Variants in SLC35F5 observed in about 807,000 individuals in gnomAD.
The protein encoded by SLC35F5 is solute carrier family 35 member F5.
A neutral mutation model predicts 68.6 loss-of-function variants in SLC35F5; 54 were observed. The ratio of observed to expected loss-of-function variants is 0.79; its 90% CI spans 0.63 to 0.99. The LOEUF (loss-of-function observed/expected upper bound fraction) is 0.99. Ranked by LOEUF, SLC35F5 falls within the 50% of genes least tolerant of loss-of-function variation. The pLI is 0.00. For synonymous variants in SLC35F5, 211 were observed against 205.2 expected, an observed-to-expected ratio of 1.03 and a Z score of -0.24; for missense variants, 567 against 626.9, an observed-to-expected ratio of 0.90 and a Z score of 1.02.
chr2:113,715,579 T>G (rs1425249399), intron 15 of SLC35F5, among the ~76,000 whole-genome samples: 1 of 152,104 alleles, frequency 6.6e-6, no homozygotes, highest in African/African-American at 2.4e-5. Context: ...TGGATATGGG[T>G]AGGTTTAAGT....
chr2:113,705,995 C>G (rs1686789842), downstream of SLC35F5, among the ~76,000 whole-genome samples: 1 of 152,236 alleles, frequency 6.6e-6, no homozygotes, highest in Non-Finnish European at 1.5e-5. Context: ...CCTAATTCCA[C>G]TTTCTGGAGT....
At chr2:113,732,840 T>C (rs1301226783) in intron 9 of SLC35F5, among the ~76,000 whole-genome samples, 1 of 152,110 alleles carries the variant, frequency 6.6e-6, no homozygotes, top group Non-Finnish European at 1.5e-5. Flanking sequence ...GACGAGAAAA[T>C]TGGCACAGAA....
intron 10 of SLC35F5, among the ~76,000 whole-genome samples, chr2:113,730,955 G>A (rs1001608416): frequency 1.3e-5 from 2 of 152,036 alleles, no homozygotes; most frequent in African/African-American, 4.8e-5. Flanking sequence ...ACTGGAGTAG[G>A]GTGGTTAATT....
At chr2:113,748,465 C>T (rs1350184127) in intron 4 of SLC35F5, among the ~76,000 whole-genome samples, 2 of 152,134 alleles carry the variant, frequency 1.3e-5, no homozygotes, top group East Asian at 3.9e-4. Flanking sequence ...CCGCACCAGG[C>T]CCAATTCCAT....
intron 15 of SLC35F5, among the ~76,000 whole-genome samples, chr2:113,715,889 CAT>C (rs1454272568): frequency 1.3e-5 from 2 of 151,938 alleles, no homozygotes; most frequent in African/African-American, 2.4e-5. Flanking sequence ...GGCACATAAA[CAT>C]ATATTTAGTT....
chr2:113,714,864 C>G lies in SLC35F5; in HGVS notation c.*354G>C, dbSNP rs1687120870. Reference sequence around the variant, plus strand: ...TTGAAAACATTTTCATAATATATTCCAGCATTTAACATGTGAAAATAAAGT... The same window carrying G: ...TTGAAAACATTTTCATAATATATTCGAGCATTTAACATGTGAAAATAAAGT... On this transcript the variant is annotated 3_prime_UTR_variant, in exon 16 of 16. Transcript: ENST00000245680. 1 of 152,478 alleles carries G rather than the reference C, an allele frequency of 6.6e-6. No individual in the cohort carries two copies. The allele number at this position is 152,478 out of a possible 1,614,324, so 9.4% of individuals were successfully genotyped here. A position where few individuals can be genotyped will look rare whatever the true frequency, so the allele number is the denominator to read the frequency against.
chr2:113,747,905 A>G (rs572814397), intron 4 of SLC35F5, among the ~76,000 whole-genome samples: 3 of 152,298 alleles, frequency 2.0e-5, no homozygotes, highest in African/African-American at 7.2e-5. Context: ...CAGCCTGACC[A>G]ACATGGTGAA....
intron 7 of SLC35F5, 71 bp downstream of exon 7, chr2:113,742,621 T>G: frequency 1.4e-6 from 2 of 1,443,068 alleles, no homozygotes; most frequent in Admixed American, 3.5e-5. Flanking sequence ...CAATCCTATA[T>G]TGTTGGTATG....
chr2:113,703,961 T>C (rs968161223), downstream of SLC35F5: 3 of 152,546 alleles, frequency 2.0e-5, no homozygotes, highest in South Asian at 4.1e-4. Flanking sequence ...AAAGGCGGCA[T>C]GTCCGGAGTT....
intron 1 of SLC35F5, 66 bp downstream of exon 1, chr2:113,756,304 C>G (rs1676986022): frequency 6.5e-7 from 1 of 1,549,400 alleles, no homozygotes; most frequent in Non-Finnish European, 8.7e-7. Flanking sequence ...GGAGGTGGTG[C>G]TGCTGGTGGG....
intron 5 of SLC35F5, among the ~76,000 whole-genome samples, chr2:113,744,877 T>C (rs188815078): frequency 1.8e-4 from 28 of 152,336 alleles, no homozygotes; most frequent in Admixed American, 1.8e-3. Flanking sequence ...TTTTAGGTAG[T>C]TATAAATTCC....
chr2:113,756,592 T>C lies in SLC35F5; in HGVS notation c.-183A>G. 1.4e-6 allele frequency: 2 copies of C among 1,414,312 alleles called. No homozygotes were observed. The highest frequency in any genetic ancestry group is 2.6e-4 in the Middle Eastern group (1 of 3,834). The allele number at this position is 1,414,312 out of a possible 1,614,324, so 87.6% of individuals were successfully genotyped here. On this transcript the variant is annotated 5_prime_UTR_variant, in exon 1 of 16. Transcript: ENST00000245680. ...TCGGCCCAGGAGGGCGTGGAGCGGGTGAGGGGAAGGGACGGCACAGTCAGC... is the reference window on the plus strand; with the variant it reads ...TCGGCCCAGGAGGGCGTGGAGCGGGCGAGGGGAAGGGACGGCACAGTCAGC...
In SLC35F5 at chr2:113,713,837, C is replaced by G. The variant is rs540607743; in HGVS notation, c.*1381G>C. 4 of 149,408 alleles carry G rather than the reference C, an allele frequency of 2.7e-5. No individual in the cohort carries two copies. The South Asian group carries it at 8.5e-4, about 32-fold the overall frequency. 9.3% of individuals were successfully genotyped at this position (149,408 alleles called of 1,614,324 possible). ...TTAAAGGTAATATAATATAGAAGTT[C>G]TCAGAATGAAACAAAAGGAAGGCTA... On this transcript the variant is annotated 3_prime_UTR_variant, in exon 16 of 16. Coordinates refer to ENST00000245680, the MANE Select transcript of SLC35F5 (RefSeq NM_025181.5).
At position 113,707,515 on chromosome 2, in the gene SLC35F5, T is replaced by C. The variant is rs1372222782; in HGVS notation, c.*7703A>G. Among the ~76,000 whole-genome samples the C allele has an allele frequency of 2.6e-5, 4 of 152,194 alleles. No homozygotes were observed. Among genetic ancestry groups the C allele is most frequent in the Non-Finnish European group, 5.9e-5 (4 of 68,026 alleles). On this transcript the variant is annotated 3_prime_UTR_variant, in exon 16 of 16. Coordinates refer to ENST00000245680, the MANE Select transcript of SLC35F5 (RefSeq NM_025181.5). ...AAATATACCTGGTCCCATATAAGAA[T>C]TGTTGCCTAACCTCATATACTAATT...
At position 113,735,790 on chromosome 2, in the gene SLC35F5, T is replaced by C. The variant is rs148152519; in HGVS notation, c.819A>G (p.Leu273=). Residue 273 remains leucine, a synonymous_variant, in exon 8 of 16, where the codon TTA becomes TTG. Coordinates refer to ENST00000245680, the MANE Select transcript of SLC35F5 (RefSeq NM_025181.5). Reference sequence around the variant, plus strand: ...CAAATTTCTTACCGGAAGTTGAAGATAAAATATTAACTATAGCAACTTGTG... The same window carrying C: ...CAAATTTCTTACCGGAAGTTGAAGACAAAATATTAACTATAGCAACTTGTG... The part of the protein sequence containing the change: ...SDTQVAIVNI[L]SSTSGLFTLI... 3.1e-6 allele frequency: 5 copies of C among 1,603,266 alleles called. No homozygotes were observed. The highest frequency in any genetic ancestry group is 2.2e-5 in the East Asian group (1 of 44,662).
intron 3 of SLC35F5, among the ~76,000 whole-genome samples, chr2:113,753,907 A>ATGTT (rs1422864223): frequency 1.3e-5 from 2 of 152,212 alleles, no homozygotes; most frequent in Non-Finnish European, 2.9e-5. Flanking sequence ...GAAGTACAAA[A>ATGTT]TGTTCATCTA....
chr2:113,729,551 C>T (rs1240437107), intron 10 of SLC35F5, 46 bp from the exon 11 acceptor site: 1 of 980,890 alleles, frequency 1.0e-6, no homozygotes, highest in Non-Finnish European at 1.6e-6. Context: ...TTAGCTCATT[C>T]AATATACGCT....
At chr2:113,727,135 G>GA (rs1687693696) in intron 11 of SLC35F5, among the ~76,000 whole-genome samples, 1 of 152,092 alleles carries the variant, frequency 6.6e-6, no homozygotes, top group African/African-American at 2.4e-5. Context: ...TAAAGTGTTT[G>GA]GCAGTTCCCC....
chr2:113,725,843 T>C (rs1385181627), intron 11 of SLC35F5: 2 of 205,746 alleles, frequency 9.7e-6, no homozygotes, highest in Admixed American at 1.1e-4. Flanking sequence ...ACTGATAATA[T>C]AGTGCCCTAG....
Sources: gnomAD v4.1 joint callset for allele counts (sites outside exome capture counted in the v4.1 genomes callset) on GRCh38, gnomAD v4.1.1 for gene constraint, MANE v1.5 for transcripts, NCBI Gene and HGNC (gene_info 2026-07-23, HGNC 2026-07-21) for gene names.